GULP1: variants seen among roughly 807,000 people sequenced by gnomAD.
GULP1 encodes the protein GULP PTB domain containing engulfment adaptor 1, also known as PTB domain-containing engulfment adapter protein 1.
In GULP1, 19 loss-of-function variants were observed where a neutral mutation model predicts 40.9. The ratio of observed to expected loss-of-function variants is 0.46; its 90% CI spans 0.32 to 0.68. The LOEUF (loss-of-function observed/expected upper bound fraction) is 0.68, where lower values mean the gene tolerates loss of function less well. Ranked by LOEUF, GULP1 falls within the 30% of genes least tolerant of loss-of-function variation. GULP1 has a pLI of 0.03. For synonymous variants in GULP1, 119 were observed against 117.6 expected (o/e 1.01, Z -0.08); for missense variants, 312 against 362.2 (o/e 0.86, Z 1.12).
chr2:188,501,675 T>C (rs570844299), intron 4 of GULP1, among the ~76,000 whole-genome samples: 22 of 151,894 alleles, frequency 1.4e-4, no homozygotes, highest in African/African-American at 4.8e-4. Context: ...GGTTGAAAAA[T>C]TGTCAAGAAG....
intron 1 of GULP1, among the ~76,000 whole-genome samples, chr2:188,337,096 CTATATCT>C (rs1559125035): frequency 1.1e-4 from 4 of 35,646 alleles, no homozygotes; most frequent in African/African-American, 2.4e-4. Context: ...GTATCTATAT[CTATATCT>C]ATATCTATAT....
At chr2:188,314,436 T>G (rs2038737099) in intron 1 of GULP1, among the ~76,000 whole-genome samples, 1 of 152,270 alleles carries the variant, frequency 6.6e-6, no homozygotes, top group South Asian at 2.1e-4. Flanking sequence ...TCTCCATTTT[T>G]CATGATTTAG....
intron 9 of GULP1, among the ~76,000 whole-genome samples, chr2:188,579,013 T>G (rs1700740413): frequency 6.6e-6 from 1 of 152,190 alleles, no homozygotes; most frequent in African/African-American, 2.4e-5. Flanking sequence ...GTTCATATCC[T>G]TATTGAATAG....
chr2:188,348,010 T>G (rs2043922866), intron 1 of GULP1, among the ~76,000 whole-genome samples: 1 of 152,242 alleles, frequency 6.6e-6, no homozygotes, highest in African/African-American at 2.4e-5. Flanking sequence ...AGCCAGCTTG[T>G]GTTTATTTTC....
At position 188,292,193 on chromosome 2, in the gene GULP1, C is replaced by T. The variant is rs1396539898; in HGVS notation, c.-172+27C>T. On this transcript the variant is annotated intron_variant, in intron 1 of 11. Coordinates refer to ENST00000409830, the MANE Select transcript of GULP1 (RefSeq NM_016315.4). The surrounding 1 kb of genome is among the most constrained non-coding windows in gnomAD (Gnocchi z 4.0). ...TACGGAGATTTATCTAGGCTCTTCC[C>T]TGGCTGCGAACCCAGGCTCCCTCCA... The T allele has an allele frequency of 2.0e-5, 3 of 152,522 alleles. No homozygotes were observed. The highest frequency in any genetic ancestry group is 1.5e-5 in the Non-Finnish European group (1 of 68,290). The allele number at this position is 152,522 out of a possible 1,614,324, so 9.4% of individuals were successfully genotyped here. A position where few individuals can be genotyped will look rare whatever the true frequency, so the allele number is the denominator to read the frequency against.
chr2:188,587,159 C>A (rs1702561398), intron 10 of GULP1, among the ~76,000 whole-genome samples: 1 of 152,042 alleles, frequency 6.6e-6, no homozygotes, highest in Admixed American at 6.6e-5. Flanking sequence ...TTACAAACAT[C>A]AATTTTAACT....
rs1559346051 is a variant in GULP1, at chr2:188,529,109, AT to A, written c.176del (p.Ile59ThrfsTer21). 1 of 1,511,326 alleles carries A rather than the reference AT, an allele frequency of 6.6e-7. No homozygotes were observed. Among genetic ancestry groups the A allele is most frequent in the Non-Finnish European group, 9.1e-7 (1 of 1,094,836 alleles). The allele number at this position is 1,511,326 out of a possible 1,614,324, so 93.6% of individuals were successfully genotyped here. ...AVRKLKFARH[I>X]KKSEGQKIPK... ...TTTTCATTCGTAGTTTGCAAGACATATCAAGAAATCTGAAGGCCAGAAAATT... is the reference window on the plus strand; with the variant it reads ...TTTTCATTCGTAGTTTGCAAGACATACAAGAAATCTGAAGGCCAGAAAATT... On this transcript the variant is annotated frameshift_variant, in exon 6 of 12. Transcript: ENST00000409830. LOFTEE classifies it high-confidence loss of function.
Position 188,409,972 on chromosome 2 carries a change from A to G in GULP1, c.-45+26083A>G, listed in dbSNP as rs1029726857. Among the ~76,000 whole-genome samples the G allele has an allele frequency of 2.0e-5, 3 of 152,198 alleles. 1 individual carries two copies. The highest frequency in any genetic ancestry group is 7.2e-5 in the African/African-American group (3 of 41,450). On this transcript the variant is annotated intron_variant, in intron 2 of 11. Transcript: ENST00000409830. ...ATATACTACAAAGTTACAAAACAGG[A>G]TGGTTCTGGCATAAAAGAACAGACA... is the stretch of plus-strand genomic sequence containing the variant.
At chr2:188,349,104 C>G (rs13408631) in intron 1 of GULP1, among the ~76,000 whole-genome samples, 1 of 152,190 alleles carries the variant, frequency 6.6e-6, no homozygotes, top group African/African-American at 2.4e-5. Context: ...AGCAATGTCT[C>G]TACAAATGCA....
chr2:188,335,605 A>G (rs1013888508), intron 1 of GULP1, among the ~76,000 whole-genome samples: 1 of 152,170 alleles, frequency 6.6e-6, no homozygotes, highest in African/African-American at 2.4e-5. Flanking sequence ...TCATTAACTA[A>G]TAAGTACCTT....
chr2:188,306,661 T>C (rs947211069), intron 1 of GULP1, among the ~76,000 whole-genome samples: 2 of 152,176 alleles, frequency 1.3e-5, no homozygotes, highest in Non-Finnish European at 2.9e-5. Flanking sequence ...CTAAAATTGC[T>C]GGAGATGAAG....
chr2:188,305,510 TCA>T (rs1363524490), intron 1 of GULP1, among the ~76,000 whole-genome samples: 1 of 152,116 alleles, frequency 6.6e-6, no homozygotes, highest in East Asian at 1.9e-4. Flanking sequence ...GTGTTTTGAT[TCA>T]CAATCAGATT....
chr2:188,326,048 A>G (rs935704102), intron 1 of GULP1, among the ~76,000 whole-genome samples: 6 of 152,140 alleles, frequency 3.9e-5, no homozygotes, highest in African/African-American at 9.6e-5. Context: ...CTACTATACC[A>G]GAGTGGGTTT....
chr2:188,416,391 CACTGAATTGT>C (rs1328219587), intron 2 of GULP1, among the ~76,000 whole-genome samples: 1 of 152,120 alleles, frequency 6.6e-6, no homozygotes, highest in Non-Finnish European at 1.5e-5. Context: ...TGACTGAAAT[CACTGAATTGT>C]ACATTTTCAA....
intron 9 of GULP1, among the ~76,000 whole-genome samples, chr2:188,570,589 T>A (rs1698812065): frequency 6.6e-6 from 1 of 152,104 alleles, no homozygotes; most frequent in Admixed American, 6.6e-5. Flanking sequence ...TTTCAAACAT[T>A]AAAATGAGTG....
chr2:188,301,752 G>C (rs555210751), intron 1 of GULP1, among the ~76,000 whole-genome samples: 2 of 152,296 alleles, frequency 1.3e-5, no homozygotes, highest in African/African-American at 4.8e-5. Flanking sequence ...GGGAACATTG[G>C]ATGAGAAAGC....
chr2:188,454,523 T>C (rs2059099894), intron 2 of GULP1, among the ~76,000 whole-genome samples: 1 of 152,200 alleles, frequency 6.6e-6, no homozygotes, highest in Admixed American at 6.5e-5. Context: ...TCCAAGGATT[T>C]ACCCAGGACA....
Position 188,543,130 on chromosome 2 carries a change from G to A in GULP1, c.399+1812G>A, listed in dbSNP as rs1454202756. Among the ~76,000 whole-genome samples, 3 of 151,870 alleles carry A rather than the reference G, an allele frequency of 2.0e-5. No homozygotes were observed. The East Asian group carries it at 5.8e-4, about 29-fold the overall frequency. On this transcript the variant is annotated intron_variant, in intron 7 of 11. Coordinates refer to ENST00000409830, the MANE Select transcript of GULP1 (RefSeq NM_016315.4). ...TGTCTGTAATTGATTGTTCTCCTTG[G>A]ATATAGCGTATCAACTATTTTCTCT...
chr2:188,505,049 T>G (rs2063774179), intron 4 of GULP1, among the ~76,000 whole-genome samples: 1 of 151,796 alleles, frequency 6.6e-6, no homozygotes, highest in Admixed American at 6.6e-5. Flanking sequence ...TAGTGGAAAA[T>G]TTTTTAATCA....
Sources: gnomAD v4.1 joint callset for allele counts (sites outside exome capture counted in the v4.1 genomes callset) on GRCh38, gnomAD v4.1.1 for gene constraint, Gnocchi (gnomAD v3.1) non-coding constraint, MANE v1.5 for transcripts, NCBI Gene and HGNC (gene_info 2026-07-23, HGNC 2026-07-21) for gene names.